The following GABRA3 variants were observed in gnomAD, a reference collection of about 807,000 sequenced individuals.
GABRA3 encodes the protein gamma-aminobutyric acid type A receptor subunit alpha3.
In GABRA3, 10 loss-of-function variants were observed where a neutral mutation model predicts 30.1. That is an observed-to-expected ratio of 0.33 (90% CI 0.20 to 0.56). GABRA3 has a LOEUF of 0.56. Ranked by LOEUF, GABRA3 falls within the 20% of genes least tolerant of loss-of-function variation. GABRA3 has a pLI of 0.89. For missense variants in GABRA3, 233 were observed against 392.0 expected, an observed-to-expected ratio of 0.59 and a Z score of 3.42; for synonymous variants, 151 against 146.8, an observed-to-expected ratio of 1.03 and a Z score of -0.21.
chrX:152,397,583 C>T (rs954144003), intron 1 of GABRA3, among the ~76,000 whole-genome samples: 5 of 111,080 alleles, frequency 4.5e-5, no homozygotes, highest in African/African-American at 6.5e-5. Context: ...ATTTGTATTC[C>T]GAATAAACAT....
At position 152,449,431 on chromosome X, in the gene GABRA3, C is replaced by T. The variant is rs1931167401; in HGVS notation, c.-27+1715G>A. 2.7e-5 allele frequency among the ~76,000 whole-genome samples: 3 copies of T among 111,996 alleles called. No individual in the cohort carries two copies. The South Asian group carries it at 1.1e-3, about 42-fold the overall frequency. ...TTTTAGTATTCTAAAATTTTCGGCACAGAACAACTCCAAATGCTCAGGAAA... is the reference window on the plus strand; with the variant it reads ...TTTTAGTATTCTAAAATTTTCGGCATAGAACAACTCCAAATGCTCAGGAAA... On this transcript the variant is annotated intron_variant, in intron 1 of 9. Coordinates refer to ENST00000370314, the MANE Select transcript of GABRA3 (RefSeq NM_000808.4).
At chrX:152,361,370 C>T (rs1051993777) in intron 2 of GABRA3, among the ~76,000 whole-genome samples, 2 of 108,410 alleles carry the variant, frequency 1.8e-5, no homozygotes, top group African/African-American at 3.4e-5. Flanking sequence ...GTCAGGGGTT[C>T]GAAACCAGCC....
intron 4 of GABRA3, among the ~76,000 whole-genome samples, chrX:152,282,479 T>C (rs763189524): frequency 8.9e-6 from 1 of 112,178 alleles, no homozygotes; most frequent in African/African-American, 3.2e-5. Flanking sequence ...ATTGTAGCTA[T>C]TCTGCCTTGT....
intron 5 of GABRA3, among the ~76,000 whole-genome samples, chrX:152,230,062 G>T (rs1217071392): frequency 9.0e-6 from 1 of 111,250 alleles, no homozygotes; most frequent in Non-Finnish European, 1.9e-5. Context: ...ACTTCTTATT[G>T]AAGAATTTAG....
chrX:152,352,044 C>G (rs188004621), intron 2 of GABRA3, among the ~76,000 whole-genome samples: 1 of 111,219 alleles, frequency 9.0e-6, no homozygotes, highest in Admixed American at 9.6e-5. Flanking sequence ...TCAAAGATCA[C>G]CAATCACAGA....
rs376686256 is a variant in GABRA3 at position 152,197,312 on chromosome X, T to C, written c.931+321A>G. 6.3e-5 allele frequency among the ~76,000 whole-genome samples: 7 copies of C among 111,610 alleles called. No homozygotes were observed. In the East Asian group the frequency reaches 2.0e-3, roughly 32 times the overall value. ...CCAATACTCTGTTCAGACAGCTTGGTTTCTAACCCTTTAACTTCTCCACTC... is the reference window on the plus strand; with the variant it reads ...CCAATACTCTGTTCAGACAGCTTGGCTTCTAACCCTTTAACTTCTCCACTC... On this transcript the variant is annotated intron_variant, in intron 8 of 9. Transcript: ENST00000370314.
chrX:152,237,901 A>C (rs924238505), intron 5 of GABRA3, among the ~76,000 whole-genome samples: 1 of 110,451 alleles, frequency 9.1e-6, no homozygotes, highest in Non-Finnish European at 1.9e-5. Flanking sequence ...GGCTGAGACA[A>C]TGGGGTTTTC....
intron 5 of GABRA3, chrX:152,251,002 C>G: frequency 4.2e-6 from 1 of 240,022 alleles, no homozygotes; most frequent in Non-Finnish European, 8.1e-6. Flanking sequence ...CGGTTTGTGA[C>G]TTGAGAAAGG....
chrX:152,207,490 T>A (rs908175377), intron 7 of GABRA3, among the ~76,000 whole-genome samples: 1 of 111,709 alleles, frequency 9.0e-6, no homozygotes, highest in Admixed American at 9.5e-5. Context: ...CCTAGCAGGT[T>A]TTGCCAACCA....
At chrX:152,439,186 G>A (rs906773951) in intron 1 of GABRA3, among the ~76,000 whole-genome samples, 8 of 110,089 alleles carry the variant, frequency 7.3e-5, no homozygotes, top group African/African-American at 2.3e-4. Context: ...GGAGTGCAGC[G>A]GCACAATCTC....
intron 1 of GABRA3, among the ~76,000 whole-genome samples, chrX:152,406,980 T>C (rs956218743): frequency 2.3e-4 from 26 of 112,046 alleles, no homozygotes; most frequent in Non-Finnish European, 5.6e-5. Flanking sequence ...GAAAATTAAA[T>C]ATGTTCCTGA....
At chrX:152,386,906 A>G (rs1156952167) in intron 1 of GABRA3, among the ~76,000 whole-genome samples, 22 of 106,806 alleles carry the variant, frequency 2.1e-4, no homozygotes, top group African/African-American at 7.5e-4. Flanking sequence ...CCAAATGTCC[A>G]ACAATGATAG....
chrX:152,314,778 T>C (rs909317573), intron 3 of GABRA3, among the ~76,000 whole-genome samples: 5 of 112,116 alleles, frequency 4.5e-5, no homozygotes, highest in African/African-American at 1.6e-4. Flanking sequence ...TGTTATTCTA[T>C]TTCACGTCAC....
rs1351364377 is a variant in GABRA3, at chrX:152,261,895, A to G, written c.331-5897T>C. On this transcript the variant is annotated intron_variant, in intron 4 of 9. Coordinates refer to ENST00000370314, the MANE Select transcript of GABRA3 (RefSeq NM_000808.4). Reference sequence around the variant, plus strand: ...CTTCCACACTGCCCTAGCAGAGGTTATACATGAGTGTTCTGCCCCTGCAGC... The same window carrying G: ...CTTCCACACTGCCCTAGCAGAGGTTGTACATGAGTGTTCTGCCCCTGCAGC... Among the ~76,000 whole-genome samples the G allele has an allele frequency of 2.7e-5, 3 of 112,718 alleles. No homozygotes were observed. The East Asian group carries it at 8.4e-4, about 32-fold the overall frequency.
At chrX:152,406,418 A>C (rs1929936981) in intron 1 of GABRA3, among the ~76,000 whole-genome samples, 1 of 108,598 alleles carries the variant, frequency 9.2e-6, no homozygotes, top group Admixed American at 1.0e-4. Flanking sequence ...GAAACCCAAA[A>C]CAGAAGGATT....
intron 3 of GABRA3, among the ~76,000 whole-genome samples, chrX:152,333,843 T>C (rs1189570439): frequency 1.8e-5 from 2 of 111,967 alleles, no homozygotes; most frequent in Admixed American, 1.9e-4. Context: ...CAAGTTTACT[T>C]ATATATTCAA....
At chrX:152,253,787 T>G (rs1938594375) in intron 5 of GABRA3, among the ~76,000 whole-genome samples, 1 of 111,873 alleles carries the variant, frequency 8.9e-6, no homozygotes, top group Non-Finnish European at 1.9e-5. Flanking sequence ...CACTTGGTTT[T>G]CTCTGTCTAG....
intron 6 of GABRA3, among the ~76,000 whole-genome samples, chrX:152,220,065 T>C (rs1937803130): frequency 8.9e-6 from 1 of 111,766 alleles, no homozygotes; most frequent in Non-Finnish European, 1.9e-5. Context: ...AAAGTTACTA[T>C]TAATATTTTT....
At chrX:152,392,687 G>A (rs1365685564) in intron 1 of GABRA3, among the ~76,000 whole-genome samples, 1 of 112,013 alleles carries the variant, frequency 8.9e-6, no homozygotes, top group East Asian at 2.8e-4. Flanking sequence ...AGGACCCACC[G>A]TGTAACATGT....
Sources: gnomAD v4.1 joint callset for allele counts (sites outside exome capture counted in the v4.1 genomes callset) on GRCh38, gnomAD v4.1.1 for gene constraint, MANE v1.5 for transcripts, NCBI Gene and HGNC (gene_info 2026-07-23, HGNC 2026-07-21) for gene names.